The following SF3A2 variants were observed in gnomAD, a reference collection of about 807,000 sequenced individuals.
SF3A2 encodes splicing factor 3a subunit 2, also known as SAP 62.
In SF3A2, 5 loss-of-function variants were observed where a neutral mutation model predicts 31.1. That is an observed-to-expected ratio of 0.16 (90% CI 0.08 to 0.34). The LOEUF (loss-of-function observed/expected upper bound fraction) is 0.34. SF3A2 is among the 10% of genes least tolerant of loss of function. The pLI, the probability that SF3A2 is intolerant of heterozygous loss-of-function variation, is 1.00. For missense variants in SF3A2, 577 were observed against 643.9 expected (o/e 0.90, Z 1.13); for synonymous variants, 365 against 263.7 (o/e 1.38, Z -3.72).
At chr19:2,247,452 G>T in intron 7 of SF3A2, 142 bp from the exon 8 acceptor site, 1 of 745,998 alleles carries the variant, frequency 1.3e-6, no homozygotes, top group Non-Finnish European at 2.3e-6. Context: ...TGAACCCTGT[G>T]CCCCACGAAA....
intron 1 of SF3A2, among the ~76,000 whole-genome samples, chr19:2,241,041 G>T (rs79523899): frequency 2.6e-5 from 4 of 152,208 alleles, no homozygotes; most frequent in Non-Finnish European, 4.4e-5. Context: ...TGCAGGCTTG[G>T]GGGTAGAGAC....
chr19:2,243,334 G>A, intron 1 of SF3A2, 48 bp from the exon 2 acceptor site: 1 of 1,420,980 alleles, frequency 7.0e-7, no homozygotes, highest in Non-Finnish European at 9.3e-7. Context: ...CCCAGCAGCA[G>A]CCCCGAGTTC....
chr19:2,245,052 G>A lies in SF3A2; in HGVS notation c.245+273G>A. 1.8e-6 allele frequency: 1 copy of A among 550,376 alleles called. No homozygotes were observed. The highest frequency in any genetic ancestry group is 3.3e-6 in the Non-Finnish European group (1 of 307,440). The allele number at this position is 550,376 out of a possible 1,614,324, so 34.1% of individuals were successfully genotyped here. The stretch of plus-strand genomic sequence containing the variant: ...ATACAAAAATTAGGCCAGGCATGGT[G>A]GCACACGTCTGTAATCACAGCTACT... On this transcript the variant is annotated intron_variant, in intron 4 of 8. Transcript: ENST00000221494. This position sits in a 1 kb window ranked among gnomAD's most constrained non-coding sequence, Gnocchi z 4.2.
intron 1 of SF3A2, chr19:2,237,944 C>T (rs2024850108): frequency 6.6e-6 from 1 of 152,212 alleles, no homozygotes; most frequent in South Asian, 2.1e-4. Context: ...AAAACTAATT[C>T]CTTCTCAATG....
rs375763239 is a variant in SF3A2 at position 2,244,718 on chromosome 19, T to G, written c.199-15T>G. 1.2e-6 allele frequency: 2 copies of G among 1,613,890 alleles called. No homozygotes were observed. Among genetic ancestry groups the G allele is most frequent in the African/African-American group, 2.7e-5 (2 of 74,932 alleles). ...CGCCCGGCCTCGAGTCATGCGTGTT[T>G]CCTTTCCACTCCAGGGGAGCTACCT... is the stretch of plus-strand genomic sequence containing the variant. On this transcript the variant is annotated splice_polypyrimidine_tract_variant and intron_variant, in intron 3 of 8. Transcript: ENST00000221494.
intron 3 of SF3A2, 30 bp from the exon 4 acceptor site, chr19:2,244,703 C>T (rs758492352): frequency 5.0e-6 from 8 of 1,613,706 alleles, no homozygotes; most frequent in South Asian, 2.2e-5. Flanking sequence ...CGCCCGGCCT[C>T]GAGTCATGCG....
chr19:2,247,028 G>A lies in SF3A2; in HGVS notation c.546+6G>A, dbSNP rs200341760. 1.0e-4 allele frequency: 127 copies of A among 1,265,492 alleles called. No homozygotes were observed. Among genetic ancestry groups the A allele is most frequent in the Admixed American group, 9.0e-4 (34 of 37,930 alleles). 78.4% of individuals were successfully genotyped at this position (1,265,492 alleles called of 1,614,324 possible). On this transcript the variant is annotated splice_donor_region_variant and intron_variant, in intron 7 of 8. Transcript: ENST00000221494. ...ACGAGACCATTGCCTTCAAGGTAGC[G>A]TGGCTGCGGGGTTCCCTGGGCCCCC... is the stretch of plus-strand genomic sequence containing the variant.
chr19:2,246,872 G>T lies in SF3A2; in HGVS notation c.406-10G>T, dbSNP rs1192637870. 2 of 1,612,536 alleles carry T rather than the reference G, an allele frequency of 1.2e-6. No individual in the cohort carries two copies. Among genetic ancestry groups the T allele is most frequent in the Non-Finnish European group, 1.7e-6 (2 of 1,179,430 alleles). On this transcript the variant is annotated splice_polypyrimidine_tract_variant and intron_variant, in intron 6 of 8. Coordinates refer to ENST00000221494, the MANE Select transcript of SF3A2 (RefSeq NM_007165.5). The surrounding 1 kb of genome is among the most constrained non-coding windows in gnomAD (Gnocchi z 5.5). ...AGAGGCGGCTCTGCCACCCGGCCGT[G>T]TCCCTGCAGATTGACTACCCTGAGA...
intron 1 of SF3A2, among the ~76,000 whole-genome samples, chr19:2,242,708 G>A (rs2024901776): frequency 1.3e-5 from 2 of 152,206 alleles, no homozygotes; most frequent in African/African-American, 2.4e-5. Flanking sequence ...ATGAGAGGAG[G>A]CTGCCTGGAA....
At position 2,243,390 on chromosome 19, in the gene SF3A2, C is replaced by T. The variant is rs775688219; in HGVS notation, c.-29C>T. 7.6e-5 allele frequency: 114 copies of T among 1,506,950 alleles called. No individual in the cohort carries two copies. Among genetic ancestry groups the T allele is most frequent in the Non-Finnish European group, 9.8e-5 (111 of 1,133,080 alleles). The allele number at this position is 1,506,950 out of a possible 1,614,324, so 93.3% of individuals were successfully genotyped here. Reference sequence around the variant, plus strand: ...CCTCTTGGCCTCCACAGGTGTCTCCCAGTCTGCTAAAGCCCTAAGGCCATC... The same window carrying T: ...CCTCTTGGCCTCCACAGGTGTCTCCTAGTCTGCTAAAGCCCTAAGGCCATC... On this transcript the variant is annotated 5_prime_UTR_variant, in exon 2 of 9. Transcript: ENST00000221494.
rs989108229 is a variant in SF3A2 at position 2,238,638 on chromosome 19, C to T, written c.-38+1737C>T. Among the ~76,000 whole-genome samples, 3 of 152,334 alleles carry T rather than the reference C, an allele frequency of 2.0e-5. No individual in the cohort carries two copies. The East Asian group carries it at 5.8e-4, about 29-fold the overall frequency. ...CTTTTCTTGTACCATTCTATCTTCC[C>T]TTAAAGCTAATTAACTTTGTTTTTA... On this transcript the variant is annotated intron_variant, in intron 1 of 8. Coordinates refer to ENST00000221494, the MANE Select transcript of SF3A2 (RefSeq NM_007165.5).
rs752975663 is a variant in SF3A2 at position 2,243,538 on chromosome 19, C to T, written c.120C>T (p.Ile40=). The stretch of plus-strand genomic sequence containing the variant: ...AGCTGGCCCTGGAGACCATCGACAT[C>T]AACAAGGTGGGCCAGCCACCGTGCA... ...LRQLALETID[I]NKDPYFMKNH... Residue 40 remains isoleucine (I), a synonymous_variant, in exon 2 of 9, where the codon ATC becomes ATT. Coordinates refer to ENST00000221494, the MANE Select transcript of SF3A2 (RefSeq NM_007165.5). 6.5e-7 allele frequency: 1 copy of T among 1,547,582 alleles called. No individual in the cohort carries two copies. The highest frequency in any genetic ancestry group is 1.2e-5 in the South Asian group (1 of 82,806).
In SF3A2 at chr19:2,241,696, G is replaced by A. The variant is rs147889686; in HGVS notation, c.-37-1686G>A. ...AATGTGTGGCCAAGAAGCCCGAGGCGGGGAGGGTTCCTTGGGGCCAGAGGG... is the reference window on the plus strand; with the variant it reads ...AATGTGTGGCCAAGAAGCCCGAGGCAGGGAGGGTTCCTTGGGGCCAGAGGG... On this transcript the variant is annotated intron_variant, in intron 1 of 8. Transcript: ENST00000221494. Among the ~76,000 whole-genome samples, 472 of 152,302 alleles carry A rather than the reference G, an allele frequency of 3.1e-3. 2 individuals carry two copies. The highest frequency in any genetic ancestry group is 4.6e-3 in the Non-Finnish European group (313 of 68,026).
intron 1 of SF3A2, among the ~76,000 whole-genome samples, chr19:2,241,263 G>C (rs2024886394): frequency 6.6e-6 from 1 of 152,130 alleles, no homozygotes; most frequent in African/African-American, 2.4e-5. Flanking sequence ...TTCTTGGAGT[G>C]CATCCGTGAA....
rs1414897603 is a variant in SF3A2 at position 2,246,499 on chromosome 19, T to C, written c.356-254T>C. The stretch of plus-strand genomic sequence containing the variant: ...TCCCAGCACCCCTGGTGAAGGGCTC[T>C]GGGGATTGGGACAAAGGAGCACCAT... On this transcript the variant is annotated intron_variant, in intron 5 of 8. Transcript: ENST00000221494. This position sits in a 1 kb window ranked among gnomAD's most constrained non-coding sequence, Gnocchi z 5.5. 6.6e-6 allele frequency among the ~76,000 whole-genome samples: 1 copy of C among 152,032 alleles called. No homozygotes were observed. Among genetic ancestry groups the C allele is most frequent in the Non-Finnish European group, 1.5e-5 (1 of 67,970 alleles).
Position 2,245,152 on chromosome 19 carries a change from C to T in SF3A2, c.246-294C>T, listed in dbSNP as rs1165761429. The T allele has an allele frequency of 2.0e-6, 1 of 495,474 alleles. No individual in the cohort carries two copies. Among genetic ancestry groups the T allele is most frequent in the East Asian group, 3.3e-5 (1 of 30,412 alleles). The allele number at this position is 495,474 out of a possible 1,614,324, so 30.7% of individuals were successfully genotyped here. A position where few individuals can be genotyped will look rare whatever the true frequency, so the allele number is the denominator to read the frequency against. On this transcript the variant is annotated intron_variant, in intron 4 of 8. Coordinates refer to ENST00000221494, the MANE Select transcript of SF3A2 (RefSeq NM_007165.5). The surrounding 1 kb of genome is among the most constrained non-coding windows in gnomAD (Gnocchi z 4.2). ...TGAACCAAGGTGCTGCCACTGTACT[C>T]CATCCTGGGCGACAGAGTGAGACTC...
At chr19:2,244,650 C>A in intron 3 of SF3A2, 35 bp downstream of exon 3, 1 of 1,611,008 alleles carries the variant, frequency 6.2e-7, no homozygotes, top group Non-Finnish European at 8.5e-7. Flanking sequence ...CGGCTCGCGG[C>A]GGGCTGAGTG....
intron 1 of SF3A2, among the ~76,000 whole-genome samples, chr19:2,238,928 C>T (rs779257404): frequency 4.6e-5 from 7 of 152,164 alleles, no homozygotes; most frequent in Non-Finnish European, 1.0e-4. Flanking sequence ...TCCCTTCATG[C>T]TGTCCGAGCA....
chr19:2,245,351 T>C lies in SF3A2; in HGVS notation c.246-95T>C. 1 of 879,552 alleles carries C rather than the reference T, an allele frequency of 1.1e-6. No homozygotes were observed. Among genetic ancestry groups the C allele is most frequent in the Non-Finnish European group, 1.8e-6 (1 of 558,836 alleles). The allele number at this position is 879,552 out of a possible 1,614,324, so 54.5% of individuals were successfully genotyped here. A position where few individuals can be genotyped will look rare whatever the true frequency, so the allele number is the denominator to read the frequency against. ...GCCCTCCTCATCTCTCAGCTTGTAGTGAGCTCCAAGGTCAGGGGGCTCCTG... is the reference window on the plus strand; with the variant it reads ...GCCCTCCTCATCTCTCAGCTTGTAGCGAGCTCCAAGGTCAGGGGGCTCCTG... On this transcript the variant is annotated intron_variant, in intron 4 of 8. Coordinates refer to ENST00000221494, the MANE Select transcript of SF3A2 (RefSeq NM_007165.5). This position sits in a 1 kb window ranked among gnomAD's most constrained non-coding sequence, Gnocchi z 4.2.
Sources: gnomAD v4.1 joint callset for allele counts (sites outside exome capture counted in the v4.1 genomes callset) on GRCh38, gnomAD v4.1.1 for gene constraint, Gnocchi (gnomAD v3.1) non-coding constraint, MANE v1.5 for transcripts, NCBI Gene and HGNC (gene_info 2026-07-23, HGNC 2026-07-21) for gene names.